CDKN2AIPNL: variants seen among roughly 807,000 people sequenced by gnomAD.
CDKN2AIPNL encodes XRN2 binding domain containing 1, also known as CDKN2AIP N-terminal-like protein.
CDKN2AIPNL carries 9 observed loss-of-function variants against 12.9 expected under a neutral mutation model. The ratio of observed to expected loss-of-function variants is 0.70; its 90% CI spans 0.42 to 1.22. CDKN2AIPNL has a LOEUF of 1.22. Ranked by LOEUF, CDKN2AIPNL falls within the 50% of genes most tolerant of loss-of-function variation. The pLI is 0.00. For missense variants in CDKN2AIPNL, 143 were observed against 153.6 expected, an observed-to-expected ratio of 0.93 and a Z score of 0.37; for synonymous variants, 53 against 61.7, an observed-to-expected ratio of 0.86 and a Z score of 0.66.
intron 2 of CDKN2AIPNL, among the ~76,000 whole-genome samples, chr5:134,403,632 T>A (rs1049228559): frequency 6.6e-6 from 1 of 152,252 alleles, no homozygotes; most frequent in African/African-American, 2.4e-5. Context: ...GAGTGCTTTT[T>A]CTTTTTATTT....
chr5:134,403,443 T>C (rs1759057671), intron 2 of CDKN2AIPNL, among the ~76,000 whole-genome samples: 1 of 152,224 alleles, frequency 6.6e-6, no homozygotes, highest in Non-Finnish European at 1.5e-5. Flanking sequence ...TCTAGCACCT[T>C]TGGTAAATTT....
chr5:134,404,092 T>C (rs1199147265), intron 2 of CDKN2AIPNL, among the ~76,000 whole-genome samples: 2 of 152,230 alleles, frequency 1.3e-5, no homozygotes, highest in Non-Finnish European at 1.5e-5. Flanking sequence ...ACCAAGGCTA[T>C]GGAAGCGTAC....
intron 1 of CDKN2AIPNL, chr5:134,410,725 T>A: frequency 2.3e-6 from 1 of 426,880 alleles, no homozygotes; most frequent in Non-Finnish European, 4.3e-6. Flanking sequence ...CTACGTACTG[T>A]TCTAATAAAC....
At chr5:134,408,729 T>G (rs1759145158) in intron 2 of CDKN2AIPNL, among the ~76,000 whole-genome samples, 1 of 151,988 alleles carries the variant, frequency 6.6e-6, no homozygotes, top group African/African-American at 2.4e-5. Flanking sequence ...ACAGCTGATT[T>G]TACTTACTGA....
At chr5:134,411,147 A>G (rs1316479650) in intron 1 of CDKN2AIPNL, 13 of 702,120 alleles carry the variant, frequency 1.9e-5, no homozygotes, top group Non-Finnish European at 7.8e-6. Context: ...ATTAAAATCC[A>G]TCAATCCTGC....
At chr5:134,405,707 G>A (rs1215961173) in intron 2 of CDKN2AIPNL, among the ~76,000 whole-genome samples, 1 of 152,140 alleles carries the variant, frequency 6.6e-6, no homozygotes, top group Non-Finnish European at 1.5e-5. Flanking sequence ...GAGCCACCAC[G>A]CCCAGCCTTC....
At chr5:134,405,326 C>T (rs1327599704) in intron 2 of CDKN2AIPNL, among the ~76,000 whole-genome samples, 1 of 150,354 alleles carries the variant, frequency 6.7e-6, no homozygotes, top group Non-Finnish European at 1.5e-5. Context: ...AAGATGGTCT[C>T]GATCTCCTGA....
intron 2 of CDKN2AIPNL, among the ~76,000 whole-genome samples, chr5:134,406,588 G>A (rs1021065197): frequency 2.0e-5 from 3 of 152,202 alleles, no homozygotes; most frequent in South Asian, 4.1e-4. Context: ...CTCGTTCTCA[G>A]AATGGGCTTA....
At chr5:134,408,369 T>C (rs1759137885) in intron 2 of CDKN2AIPNL, among the ~76,000 whole-genome samples, 2 of 151,914 alleles carry the variant, frequency 1.3e-5, no homozygotes, top group South Asian at 2.1e-4. Context: ...CAGTAGCCCC[T>C]TTTTAACAGC....
chr5:134,410,074 T>C, intron 1 of CDKN2AIPNL, 72 bp from the exon 2 acceptor site: 5 of 1,052,230 alleles, frequency 4.8e-6, no homozygotes, highest in Non-Finnish European at 7.2e-6. Context: ...AAACTGCAGG[T>C]TGCTCAACTA....
rs1291159264 is a variant in CDKN2AIPNL, at chr5:134,411,675, G to A, written c.180C>T (p.Arg60=). Residue 60 remains arginine, a synonymous_variant, in exon 1 of 3, where the codon CGC becomes CGT. Transcript: ENST00000458198. ...DYRDPPDGSG[R]LDQLLSLSMV... is the part of the protein sequence containing the mutation. The stretch of plus-strand genomic sequence containing the variant: ...TGGAGAGGGAGAGCAGCTGGTCCAG[G>A]CGGCCACTGCCGTCGGGCGGGTCGC... The A allele has an allele frequency of 6.2e-7, 1 of 1,612,984 alleles. No individual in the cohort carries two copies. Among genetic ancestry groups the A allele is most frequent in the African/African-American group, 1.3e-5 (1 of 74,908 alleles).
intron 1 of CDKN2AIPNL, chr5:134,410,834 G>A (rs1430605904): frequency 6.7e-6 from 4 of 596,448 alleles, no homozygotes; most frequent in Non-Finnish European, 1.2e-5. Context: ...ATCAAACCAA[G>A]TCACCCTATT....
chr5:134,403,919 C>T (rs1426120202), intron 2 of CDKN2AIPNL, among the ~76,000 whole-genome samples: 1 of 152,180 alleles, frequency 6.6e-6, no homozygotes, highest in East Asian at 1.9e-4. Flanking sequence ...CCACTGTGCC[C>T]AGCCCCAGTC....
intron 2 of CDKN2AIPNL, among the ~76,000 whole-genome samples, chr5:134,409,109 C>A (rs1227876498): frequency 1.3e-5 from 2 of 152,086 alleles, no homozygotes; most frequent in African/African-American, 2.4e-5. Flanking sequence ...TTTCTGAGTA[C>A]CTTCTCTGGG....
intron 2 of CDKN2AIPNL, among the ~76,000 whole-genome samples, chr5:134,408,195 A>T (rs1759133945): frequency 6.6e-6 from 1 of 152,100 alleles, no homozygotes; most frequent in Non-Finnish European, 1.5e-5. Flanking sequence ...CCCCTGCCCC[A>T]TAAGGTATAC....
intron 2 of CDKN2AIPNL, among the ~76,000 whole-genome samples, chr5:134,405,351 C>T (rs1467047573): frequency 4.7e-5 from 7 of 150,008 alleles, no homozygotes; most frequent in East Asian, 2.0e-4. Context: ...GTGATCCGCC[C>T]GCCTCGGCCT....
intron 2 of CDKN2AIPNL, among the ~76,000 whole-genome samples, chr5:134,407,207 A>T (rs915176057): frequency 1.3e-5 from 2 of 150,986 alleles, no homozygotes; most frequent in African/African-American, 4.9e-5. Context: ...GGCTCTGTAC[A>T]TTTTTTAGGT....
rs1179078835 is a variant in CDKN2AIPNL at position 134,402,491 on chromosome 5, CTCTG to C, written c.*420_*423del. On this transcript the variant is annotated 3_prime_UTR_variant, in exon 3 of 3. Coordinates refer to ENST00000458198, the MANE Select transcript of CDKN2AIPNL (RefSeq NM_080656.3). ...CTACTGCCTGGGCAACAGAGCAAGA[CTCTG>C]TCTCAAAAAAACAAAACAAAAAACA... The C allele has an allele frequency of 6.3e-6, 1 of 157,672 alleles. No individual in the cohort carries two copies. Among genetic ancestry groups the C allele is most frequent in the Non-Finnish European group, 1.4e-5 (1 of 71,996 alleles). The allele number at this position is 157,672 out of a possible 1,614,324, so 9.8% of individuals were successfully genotyped here.
chr5:134,407,313 T>C (rs1042378253), intron 2 of CDKN2AIPNL, among the ~76,000 whole-genome samples: 3 of 149,272 alleles, frequency 2.0e-5, no homozygotes, highest in Non-Finnish European at 3.0e-5. Flanking sequence ...CACTGGTCTA[T>C]AGATAATGTT....
Sources: allele counts gnomAD v4.1 joint callset (sites outside exome capture counted in the v4.1 genomes callset), GRCh38; gene constraint gnomAD v4.1.1; transcripts MANE v1.5; gene names NCBI Gene and HGNC (gene_info 2026-07-23, HGNC 2026-07-21).